The following C1QTNF3 variants were observed in gnomAD, a reference collection of about 807,000 sequenced individuals.
C1QTNF3 encodes the protein complement C1q tumor necrosis factor-related protein 3.
A neutral mutation model predicts 32.6 loss-of-function variants in C1QTNF3; 26 were observed. The ratio of observed to expected loss-of-function variants is 0.80; its 90% CI spans 0.58 to 1.11. C1QTNF3 has a LOEUF of 1.11. Ranked by LOEUF, C1QTNF3 falls within the 50% of genes least tolerant of loss-of-function variation. The pLI is 0.00. For synonymous variants in C1QTNF3, 155 were observed against 146.0 expected (o/e 1.06, Z -0.44); for missense variants, 362 against 398.2 (o/e 0.91, Z 0.77).
chr5:34,099,427 C>T, the C1QTNF3 span, among the ~76,000 whole-genome samples: 1 of 151,994 alleles, frequency 6.6e-6, no homozygotes, highest in South Asian at 2.1e-4. Context: ...TTAATTGTTG[C>T]TAAATTTAAA....
chr5:34,054,677 A>G, the C1QTNF3 span, among the ~76,000 whole-genome samples: 1 of 152,356 alleles, frequency 6.6e-6, no homozygotes, highest in East Asian at 1.9e-4. Flanking sequence ...ATAACTCAAG[A>G]AAAACTATCA....
chr5:34,188,946 C>G, the C1QTNF3 span, among the ~76,000 whole-genome samples: 1 of 151,624 alleles, frequency 6.6e-6, no homozygotes, highest in East Asian at 1.9e-4. Flanking sequence ...GTGGAGATAA[C>G]TGAATCATGG....
chr5:34,031,599 G>A (rs1187326632), intron 3 of C1QTNF3, among the ~76,000 whole-genome samples: 4 of 152,112 alleles, frequency 2.6e-5, no homozygotes, highest in African/African-American at 4.8e-5. Flanking sequence ...TTGGGAGGCC[G>A]AGGCAGGCCG....
the C1QTNF3 span, among the ~76,000 whole-genome samples, chr5:34,122,717 G>C: frequency 6.6e-6 from 1 of 151,972 alleles, no homozygotes; most frequent in Non-Finnish European, 1.5e-5. Context: ...CCAACCAACT[G>C]TTGGATAAGT....
chr5:34,234,902 T>A, the C1QTNF3 span, among the ~76,000 whole-genome samples: 1 of 152,150 alleles, frequency 6.6e-6, no homozygotes, highest in Non-Finnish European at 1.5e-5. Context: ...AAGCCTTAAT[T>A]TTTTTTCTCA....
At chr5:34,047,841 T>G (rs1755012455), upstream of C1QTNF3, among the ~76,000 whole-genome samples, 1 of 152,140 alleles carries the variant, frequency 6.6e-6, no homozygotes, top group Non-Finnish European at 1.5e-5. Context: ...TTAAAAAGAA[T>G]CAGAGTGTGT....
the C1QTNF3 span, among the ~76,000 whole-genome samples, chr5:34,110,661 AC>A: frequency 5.3e-5 from 8 of 152,346 alleles, no homozygotes; most frequent in Admixed American, 5.2e-4. Context: ...TCTCTGCTCT[AC>A]CAGTGGAGAA....
the C1QTNF3 span, among the ~76,000 whole-genome samples, chr5:34,233,702 G>GT: frequency 7.4e-4 from 109 of 147,874 alleles, no homozygotes; most frequent in African/African-American, 2.6e-3. Flanking sequence ...CAGGACATGC[G>GT]TTTTTTTTTT....
chr5:34,057,641 T>C, the C1QTNF3 span, among the ~76,000 whole-genome samples: 5 of 152,246 alleles, frequency 3.3e-5, no homozygotes, highest in African/African-American at 1.2e-4. Flanking sequence ...ATGTATTTTC[T>C]AATTTCTTAG....
intron 1 of C1QTNF3, among the ~76,000 whole-genome samples, chr5:34,039,304 A>G (rs893326331): frequency 6.6e-6 from 1 of 152,200 alleles, no homozygotes; most frequent in African/African-American, 2.4e-5. Flanking sequence ...CAAACCGTGC[A>G]CTTGTCTTTC....
the C1QTNF3 span, among the ~76,000 whole-genome samples, chr5:34,050,334 T>C: frequency 5.3e-5 from 8 of 152,202 alleles, no homozygotes; most frequent in Admixed American, 4.6e-4. Context: ...CCTATTTTAC[T>C]CTCTCTTCAT....
chr5:34,122,913 C>A, the C1QTNF3 span, among the ~76,000 whole-genome samples: 1 of 149,152 alleles, frequency 6.7e-6, no homozygotes, highest in East Asian at 1.9e-4. Context: ...ATTCCAGGGT[C>A]TGGGGGGCAG....
chr5:34,172,440 C>CA, the C1QTNF3 span, among the ~76,000 whole-genome samples: 4 of 21,254 alleles, frequency 1.9e-4, no homozygotes, highest in African/African-American at 3.0e-4. Context: ...CGGGGTTGGG[C>CA]GGGGGGGGCG....
the C1QTNF3 span, among the ~76,000 whole-genome samples, chr5:34,065,504 T>A: frequency 6.6e-6 from 1 of 151,918 alleles, no homozygotes; most frequent in Admixed American, 6.6e-5. Context: ...CCATCTCCAC[T>A]AAAAATACAA....
At chr5:34,103,082 T>G in the C1QTNF3 span, among the ~76,000 whole-genome samples, 1 of 152,236 alleles carries the variant, frequency 6.6e-6, no homozygotes. Context: ...CCATTTTATT[T>G]TTGAAATATG....
At chr5:34,160,237 G>A in the C1QTNF3 span, among the ~76,000 whole-genome samples, 1 of 152,120 alleles carries the variant, frequency 6.6e-6, no homozygotes. Context: ...GTAGGTAGGC[G>A]AAGGACAGAA....
At chr5:34,236,353 T>C in the C1QTNF3 span, among the ~76,000 whole-genome samples, 1 of 150,780 alleles carries the variant, frequency 6.6e-6, no homozygotes, top group South Asian at 2.1e-4. Flanking sequence ...GTCACATCAC[T>C]GCACTCCAGC....
the C1QTNF3 span, among the ~76,000 whole-genome samples, chr5:34,130,260 T>A: frequency 2.0e-5 from 3 of 152,144 alleles, no homozygotes; most frequent in Admixed American, 6.6e-5. Context: ...TACTTTTTTT[T>A]ATAAAGGAGT....
the C1QTNF3 span, chr5:34,165,936 A>T: frequency 6.8e-6 from 1 of 145,986 alleles, no homozygotes; most frequent in African/African-American, 2.5e-5. Context: ...TATAGCACAT[A>T]ATAATTTTTA....
Sources: gnomAD v4.1 joint callset for allele counts (sites outside exome capture counted in the v4.1 genomes callset) on GRCh38, gnomAD v4.1.1 for gene constraint, MANE v1.5 for transcripts, NCBI Gene and HGNC (gene_info 2026-07-23, HGNC 2026-07-21) for gene names.